The following IMPG2 variants were observed in gnomAD, a reference collection of about 807,000 sequenced individuals.
IMPG2 encodes IPM 200.
Under a neutral mutation model 129.2 loss-of-function variants are expected in IMPG2, and 91 were observed. That is an observed-to-expected ratio of 0.70 (90% CI 0.59 to 0.84). The LOEUF is 0.84. Ranked by LOEUF, IMPG2 falls within the 40% of genes least tolerant of loss-of-function variation. The pLI is 0.00. For synonymous variants in IMPG2, 510 were observed against 517.7 expected (o/e 0.99, Z 0.20); for missense variants, 1,430 against 1,461.7 (o/e 0.98, Z 0.35).
At chr3:101,291,331 GAA>G (rs1337962795) in intron 4 of IMPG2, 146 bp downstream of exon 4, 2 of 732,984 alleles carry the variant, frequency 2.7e-6, no homozygotes, top group African/African-American at 3.5e-5. Flanking sequence ...TGGGAATGAG[GAA>G]AAATATTTGG....
Position 101,226,159 on chromosome 3 carries a change from G to A in IMPG2, c.*810C>T, listed in dbSNP as rs536881753. 125 of 130,658 alleles carry A rather than the reference G, an allele frequency of 9.6e-4. No homozygotes were observed. The highest frequency in any genetic ancestry group is 4.2e-3 in the East Asian group (18 of 4,294). 8.1% of individuals were successfully genotyped at this position (130,658 alleles called of 1,614,324 possible). ...ATTCTCAGCACTGGGGTCTTGACCC[G>A]ACACTCACTCCCTCCCTGCCCATGT... On this transcript the variant is annotated 3_prime_UTR_variant, in exon 19 of 19. Transcript: ENST00000193391.
At chr3:101,296,126 C>T (rs1707077591) in intron 3 of IMPG2, among the ~76,000 whole-genome samples, 1 of 152,194 alleles carries the variant, frequency 6.6e-6, no homozygotes, top group Non-Finnish European at 1.5e-5. Flanking sequence ...AAGAAGGCAT[C>T]CTTGTCTTGT....
intron 4 of IMPG2, among the ~76,000 whole-genome samples, chr3:101,285,423 A>G (rs750114791): frequency 7.2e-5 from 11 of 152,198 alleles, no homozygotes; most frequent in Non-Finnish European, 1.6e-4. Context: ...ATTCTTGATC[A>G]TTTGATGTTT....
chr3:101,244,341 G>A lies in IMPG2; in HGVS notation c.1990C>T (p.His664Tyr), dbSNP rs1391875356. The change falls in exon 13 of 19, where the codon CAC (histidine) becomes TAC (tyrosine). Residue 664 changes from histidine (H) to tyrosine (Y), a missense_variant. By Grantham distance (83) the His-to-Tyr change is moderately conservative (BLOSUM62 2). Coordinates refer to ENST00000193391, the MANE Select transcript of IMPG2 (RefSeq NM_016247.4). ...KMDSTDQISK[H>Y]SKYEHDDRST... Reference sequence around the variant, plus strand: ...CTGTCATCATGTTCATATTTTGAGTGCTTACTAATTTGGTCTGTGGAATCC... The same window carrying A: ...CTGTCATCATGTTCATATTTTGAGTACTTACTAATTTGGTCTGTGGAATCC... 8 of 1,613,860 alleles carry A rather than the reference G, an allele frequency of 5.0e-6. No homozygotes were observed. The highest frequency in any genetic ancestry group is 1.3e-5 in the African/African-American group (1 of 74,964).
chr3:101,240,088 A>G (rs1483470659), intron 14 of IMPG2, among the ~76,000 whole-genome samples: 2 of 151,956 alleles, frequency 1.3e-5, no homozygotes, highest in Non-Finnish European at 2.9e-5. Context: ...ACTGAAGTAA[A>G]TGTATTTATT....
chr3:101,255,282 G>C (rs1324782126), intron 10 of IMPG2, among the ~76,000 whole-genome samples: 3 of 152,088 alleles, frequency 2.0e-5, no homozygotes, highest in Non-Finnish European at 2.9e-5. Context: ...CTGAGTAATT[G>C]AAATATATGT....
chr3:101,286,331 T>G (rs2107122269), intron 4 of IMPG2, among the ~76,000 whole-genome samples: 1 of 152,270 alleles, frequency 6.6e-6, no homozygotes, highest in South Asian at 2.1e-4. Context: ...AGTAAGAAGC[T>G]TTTTACAATA....
chr3:101,256,203 AAGAAAGAAAG>A (rs1265093984), intron 10 of IMPG2, among the ~76,000 whole-genome samples: 1 of 150,288 alleles, frequency 6.7e-6, no homozygotes, highest in Non-Finnish European at 1.5e-5. Flanking sequence ...GAAAGAAAGA[AAGAAAGAAAG>A]AAAGAAAAAA....
At chr3:101,290,028 G>A (rs961483770) in intron 4 of IMPG2, among the ~76,000 whole-genome samples, 1 of 151,498 alleles carries the variant, frequency 6.6e-6, no homozygotes, top group East Asian at 1.9e-4. Flanking sequence ...ATATAGCTTC[G>A]GGCACGATGA....
At chr3:101,305,928 G>T (rs1707184780) in intron 2 of IMPG2, among the ~76,000 whole-genome samples, 1 of 152,156 alleles carries the variant, frequency 6.6e-6, no homozygotes, top group African/African-American at 2.4e-5. Flanking sequence ...AAAAGGAAGA[G>T]AGTGGTAAGA....
chr3:101,296,428 T>C (rs1707080663), intron 3 of IMPG2, among the ~76,000 whole-genome samples: 5 of 152,208 alleles, frequency 3.3e-5, no homozygotes, highest in Admixed American at 3.3e-4. Context: ...TTGATCGTGC[T>C]AGATAAGCTT....
intron 3 of IMPG2, among the ~76,000 whole-genome samples, chr3:101,298,016 T>C (rs375929206): frequency 1.3e-5 from 2 of 152,228 alleles, no homozygotes; most frequent in African/African-American, 4.8e-5. Context: ...TCTCTCACTA[T>C]TATTGTGTGG....
chr3:101,234,351 A>G (rs947660492), intron 14 of IMPG2, among the ~76,000 whole-genome samples: 8 of 151,888 alleles, frequency 5.3e-5, no homozygotes, highest in Non-Finnish European at 1.0e-4. Flanking sequence ...AGAAACCAGG[A>G]AAAGGTAAGG....
intron 3 of IMPG2, among the ~76,000 whole-genome samples, chr3:101,293,736 C>A (rs563505031): frequency 2.6e-5 from 4 of 152,198 alleles, no homozygotes; most frequent in African/African-American, 9.6e-5. Context: ...CATGTAGCCA[C>A]CTTCATAAAT....
chr3:101,304,654 A>G (rs1157771475), intron 2 of IMPG2, among the ~76,000 whole-genome samples: 3 of 152,120 alleles, frequency 2.0e-5, no homozygotes, highest in African/African-American at 7.2e-5. Context: ...TGTTTTCCTA[A>G]TGGACACTGT....
rs528443045 is a variant in IMPG2, at chr3:101,225,236, G to A, written c.*1733C>T. 1 of 152,186 alleles carries A rather than the reference G, an allele frequency of 6.6e-6. No homozygotes were observed. The highest frequency in any genetic ancestry group is 1.5e-5 in the Non-Finnish European group (1 of 68,034). The allele number at this position is 152,186 out of a possible 1,614,324, so 9.4% of individuals were successfully genotyped here. ...TTTTCAAATGGGCCCAGTGGAAAGTGTCTAATTATCCAATATTAAGACTAG... is the reference window on the plus strand; with the variant it reads ...TTTTCAAATGGGCCCAGTGGAAAGTATCTAATTATCCAATATTAAGACTAG... On this transcript the variant is annotated 3_prime_UTR_variant, in exon 19 of 19. Transcript: ENST00000193391.
intron 14 of IMPG2, among the ~76,000 whole-genome samples, chr3:101,241,207 T>C (rs1706402795): frequency 6.6e-6 from 1 of 152,132 alleles, no homozygotes; most frequent in Admixed American, 6.5e-5. Flanking sequence ...CATAACTCTC[T>C]AGGGGAAAAG....
At chr3:101,261,339 ATG>A (rs1328513839) in intron 9 of IMPG2, among the ~76,000 whole-genome samples, 1 of 152,170 alleles carries the variant, frequency 6.6e-6, no homozygotes, top group Non-Finnish European at 1.5e-5. Context: ...TTCTTAGGCT[ATG>A]CAGAAAATCA....
chr3:101,278,701 T>TAA (rs753252572), intron 4 of IMPG2, among the ~76,000 whole-genome samples: 1 of 141,740 alleles, frequency 7.1e-6, no homozygotes, highest in Non-Finnish European at 1.5e-5. Context: ...AAACATAAGT[T>TAA]AAAAAAAAAA....
Sources: allele counts gnomAD v4.1 joint callset (sites outside exome capture counted in the v4.1 genomes callset), GRCh38; gene constraint gnomAD v4.1.1; transcripts MANE v1.5; gene names NCBI Gene and HGNC (gene_info 2026-07-23, HGNC 2026-07-21).